CLSTN2: variants seen among roughly 807,000 people sequenced by gnomAD.
CLSTN2 encodes calsyntenin-2.
CLSTN2 carries 48 observed loss-of-function variants against 101.2 expected under a neutral mutation model. The ratio of observed to expected loss-of-function variants is 0.47; its 90% confidence interval spans 0.38 to 0.60. The LOEUF is 0.60. Ranked by LOEUF, CLSTN2 falls within the 20% of genes least tolerant of loss-of-function variation. The probability of loss-of-function intolerance (pLI) is 0.00; values close to 1 mark genes in which losing one functional copy is unlikely to be tolerated. For missense variants in CLSTN2, 1,160 were observed against 1,238.2 expected, an observed-to-expected ratio of 0.94 and a Z score of 0.95; for synonymous variants, 481 against 463.6, an observed-to-expected ratio of 1.04 and a Z score of -0.48.
rs1323329208 is a variant in CLSTN2, at chr3:140,566,189, G to A, written c.2804G>A (p.Arg935Lys). Residue 935 changes from arginine to lysine, a missense_variant, in exon 17 of 17, where the codon AGA becomes AAA. Physicochemically the swap from Arg to Lys is conservative, Grantham distance 26. Coordinates refer to ENST00000458420, the MANE Select transcript of CLSTN2 (RefSeq NM_022131.3). ...GAGGAGGAAGGGATGGGCAGAGGCA[G>A]ACATGGGCAGAATGGAGCCAGGCAA... ...EEEEEGMGRG[R>K]HGQNGARQAQ... 6.2e-7 allele frequency: 1 copy of A among 1,606,566 alleles called. No homozygotes were observed. The highest frequency in any genetic ancestry group is 8.5e-7 in the Non-Finnish European group (1 of 1,176,324).
intron 2 of CLSTN2, among the ~76,000 whole-genome samples, chr3:140,351,021 G>A (rs1205343603): frequency 6.6e-6 from 1 of 152,152 alleles, no homozygotes; most frequent in Non-Finnish European, 1.5e-5. Flanking sequence ...TGAGGAAAAG[G>A]TACTCAGGAT....
At chr3:140,555,391 C>T (rs1483230526) in intron 10 of CLSTN2, among the ~76,000 whole-genome samples, 1 of 152,070 alleles carries the variant, frequency 6.6e-6, no homozygotes, top group Non-Finnish European at 1.5e-5. Flanking sequence ...GGGAAAGCAA[C>T]TAATTTTGAA....
chr3:140,041,517 G>A (rs1276545810), intron 1 of CLSTN2, among the ~76,000 whole-genome samples: 1 of 152,166 alleles, frequency 6.6e-6, no homozygotes, highest in African/African-American at 2.4e-5. Flanking sequence ...GTAGGTGGTG[G>A]AGGAGGAGAG....
chr3:140,197,603 C>A (rs1015454822), intron 2 of CLSTN2, among the ~76,000 whole-genome samples: 1 of 152,226 alleles, frequency 6.6e-6, no homozygotes, highest in African/African-American at 2.4e-5. Flanking sequence ...GGTGATCTTA[C>A]CCCTCTTACT....
intron 2 of CLSTN2, among the ~76,000 whole-genome samples, chr3:140,304,287 C>A (rs894229145): frequency 2.0e-5 from 3 of 152,206 alleles, no homozygotes; most frequent in African/African-American, 7.2e-5. Context: ...AGCTCTGAAT[C>A]TTTGCGTCTT....
At position 140,103,712 on chromosome 3, in the gene CLSTN2, C is replaced by T. The variant is rs553819971; in HGVS notation, c.110-72239C>T. Among the ~76,000 whole-genome samples the T allele has an allele frequency of 2.0e-5, 3 of 152,290 alleles. No individual in the cohort carries two copies. The South Asian group carries it at 6.2e-4, about 32-fold the overall frequency. On this transcript the variant is annotated intron_variant, in intron 1 of 16. Coordinates refer to ENST00000458420, the MANE Select transcript of CLSTN2 (RefSeq NM_022131.3). ...AGTTCCCAGGAGTAATACGTCATTT[C>T]CCCTTGTTTTCTGTGCCTTGTTGAA...
In CLSTN2 at chr3:140,419,541, A is replaced by G. The variant is rs1306620058; in HGVS notation, c.638-1584A>G. ...CACACATATGTGTGTGTATATATAT[A>G]CATATATACGTGTACGTATATATGT... On this transcript the variant is annotated intron_variant, in intron 4 of 16. Transcript: ENST00000458420. 3.1e-5 allele frequency among the ~76,000 whole-genome samples: 2 copies of G among 63,560 alleles called. 1 individual carries two copies. The highest frequency in any genetic ancestry group is 5.1e-5 in the Non-Finnish European group (2 of 39,520). 41.7% of individuals were successfully genotyped at this position (63,560 alleles called of 152,430 possible). A position where few individuals can be genotyped will look rare whatever the true frequency, so the allele number is the denominator to read the frequency against.
chr3:140,120,098 T>G (rs998163238), intron 1 of CLSTN2, among the ~76,000 whole-genome samples: 1 of 152,176 alleles, frequency 6.6e-6, no homozygotes, highest in African/African-American at 2.4e-5. Flanking sequence ...AATTCAATTT[T>G]GACACTACCT....
At chr3:140,485,542 C>A (rs867090402) in intron 8 of CLSTN2, among the ~76,000 whole-genome samples, 25 of 152,188 alleles carry the variant, frequency 1.6e-4, no homozygotes, top group Middle Eastern at 3.2e-3. Flanking sequence ...TGGCTATGCC[C>A]TGCCCCCAGA....
intron 2 of CLSTN2, among the ~76,000 whole-genome samples, chr3:140,284,857 C>T (rs1007007346): frequency 1.3e-5 from 2 of 152,024 alleles, no homozygotes; most frequent in Non-Finnish European, 2.9e-5. Context: ...GGCTAGGAGT[C>T]AGTAGGGGCT....
intron 8 of CLSTN2, among the ~76,000 whole-genome samples, chr3:140,503,866 T>C (rs1221103033): frequency 6.6e-6 from 1 of 152,108 alleles, no homozygotes; most frequent in East Asian, 1.9e-4. Flanking sequence ...TGTGGCATAG[T>C]GGTGGGGTCT....
At chr3:140,198,122 G>GA (rs2010668926) in intron 2 of CLSTN2, among the ~76,000 whole-genome samples, 1 of 152,130 alleles carries the variant, frequency 6.6e-6, no homozygotes, top group Admixed American at 6.5e-5. Context: ...TCTGCAATAG[G>GA]AAAAATGTCT....
chr3:140,427,229 G>GTATATA (rs1273847419), intron 5 of CLSTN2, among the ~76,000 whole-genome samples: 5 of 72,656 alleles, frequency 6.9e-5, no homozygotes, highest in African/African-American at 3.4e-4. Context: ...ATATATGTGT[G>GTATATA]TATATATATA....
chr3:140,116,059 C>T (rs1036017745), intron 1 of CLSTN2, among the ~76,000 whole-genome samples: 4 of 152,112 alleles, frequency 2.6e-5, no homozygotes, highest in Admixed American at 6.6e-5. Flanking sequence ...GGGGAGGGGC[C>T]GTTTTTGACC....
At chr3:140,086,160 C>T (rs2008677070) in intron 1 of CLSTN2, among the ~76,000 whole-genome samples, 1 of 152,176 alleles carries the variant, frequency 6.6e-6, no homozygotes, top group African/African-American at 2.4e-5. Context: ...TGTGATAATG[C>T]TAACAGATTA....
intron 2 of CLSTN2, among the ~76,000 whole-genome samples, chr3:140,337,999 C>A (rs899057520): frequency 6.6e-6 from 1 of 152,102 alleles, no homozygotes; most frequent in Non-Finnish European, 1.5e-5. Flanking sequence ...TGGGGGGAAA[C>A]AAAGGCACTC....
intron 1 of CLSTN2, among the ~76,000 whole-genome samples, chr3:140,128,400 T>C (rs1009072487): frequency 6.6e-6 from 1 of 152,216 alleles, no homozygotes; most frequent in Non-Finnish European, 1.5e-5. Context: ...GACAGCATCC[T>C]GGCAGGAAAC....
At chr3:140,183,436 A>G (rs1296812295) in intron 2 of CLSTN2, among the ~76,000 whole-genome samples, 1 of 152,208 alleles carries the variant, frequency 6.6e-6, no homozygotes, top group Non-Finnish European at 1.5e-5. Context: ...CACTGGCACT[A>G]AGAGATTGCT....
intron 2 of CLSTN2, among the ~76,000 whole-genome samples, chr3:140,378,223 C>T (rs1011451137): frequency 6.6e-6 from 1 of 152,190 alleles, no homozygotes; most frequent in Non-Finnish European, 1.5e-5. Flanking sequence ...GTATCCCTAT[C>T]GTTAAGTGAC....
Sources: gnomAD v4.1 joint callset for allele counts (sites outside exome capture counted in the v4.1 genomes callset) on GRCh38, gnomAD v4.1.1 for gene constraint, MANE v1.5 for transcripts, NCBI Gene and HGNC (gene_info 2026-07-23, HGNC 2026-07-21) for gene names.